Variants in TENM3 observed in about 807,000 individuals in gnomAD.
TENM3 encodes teneurin transmembrane protein 3.
TENM3 carries 63 observed loss-of-function variants against 255.1 expected under a neutral mutation model. The ratio of observed to expected loss-of-function variants is 0.25; its 90% CI spans 0.20 to 0.30. TENM3 has a LOEUF of 0.30. Among genes scored for constraint, TENM3 ranks in the 10% least tolerant of loss-of-function variants. The pLI, the probability that TENM3 is intolerant of heterozygous loss-of-function variation, is 1.00. For missense variants in TENM3, 2,929 were observed against 3,461.1 expected, an observed-to-expected ratio of 0.85 and a Z score of 3.86; for synonymous variants, 1,306 against 1,322.3, an observed-to-expected ratio of 0.99 and a Z score of 0.27.
At chr4:181,716,270 A>G in the TENM3 span, among the ~76,000 whole-genome samples, 4 of 152,352 alleles carry the variant, frequency 2.6e-5, no homozygotes, top group South Asian at 2.1e-4. Context: ...AAAGTAATAT[A>G]TGGATTATAT....
intron 3 of TENM3, among the ~76,000 whole-genome samples, chr4:182,582,886 G>A (rs760594974): frequency 1.3e-5 from 2 of 152,172 alleles, no homozygotes; most frequent in African/African-American, 4.8e-5. Context: ...GAATCGCAGC[G>A]ATTTGCCTTG....
the TENM3 span, among the ~76,000 whole-genome samples, chr4:181,903,147 A>G: frequency 6.6e-6 from 1 of 152,094 alleles, no homozygotes; most frequent in Non-Finnish European, 1.5e-5. Flanking sequence ...GAGGGATCCT[A>G]TTCACCACAC....
intron 1 of TENM3, among the ~76,000 whole-genome samples, chr4:182,161,279 G>GCC (rs1751143597): frequency 7.3e-6 from 1 of 137,012 alleles, no homozygotes; most frequent in Non-Finnish European, 1.6e-5. Context: ...AGCCGGGCGT[G>GCC]GTGGCGGGCG....
chr4:182,047,560 CAAAAAAAAA>C, the TENM3 span, among the ~76,000 whole-genome samples: 14 of 72,324 alleles, frequency 1.9e-4, no homozygotes, highest in Admixed American at 2.0e-4. Flanking sequence ...GACTCCATCT[CAAAAAAAAA>C]AAAAAAAAAA....
chr4:182,797,451 AAT>A (rs1766579499), intron 27 of TENM3, among the ~76,000 whole-genome samples: 4 of 151,110 alleles, frequency 2.6e-5, no homozygotes, highest in African/African-American at 9.8e-5. Context: ...AAAAAAAAAT[AAT>A]TAATTAATTA....
intron 22 of TENM3, among the ~76,000 whole-genome samples, chr4:182,765,925 C>T (rs765962891): frequency 6.6e-6 from 1 of 152,190 alleles, no homozygotes; most frequent in Non-Finnish European, 1.5e-5. Flanking sequence ...TCTGCTAAAA[C>T]AGTTATGCAT....
intron 1 of TENM3, among the ~76,000 whole-genome samples, chr4:182,165,552 A>G (rs1751648414): frequency 6.6e-6 from 1 of 152,204 alleles, no homozygotes; most frequent in Admixed American, 6.5e-5. Context: ...ACACATAGTC[A>G]TCAGCTGGGA....
At chr4:181,628,362 G>C in the TENM3 span, among the ~76,000 whole-genome samples, 81 of 152,126 alleles carry the variant, frequency 5.3e-4, no homozygotes, top group South Asian at 1.5e-3. Flanking sequence ...TCAATTTTGG[G>C]TTTTGTTGCC....
chr4:182,682,107 T>A (rs150921005), intron 11 of TENM3, 93 bp downstream of exon 11: 6 of 988,776 alleles, frequency 6.1e-6, no homozygotes, highest in Non-Finnish European at 6.1e-6. Flanking sequence ...TTAAACCTAA[T>A]ACAAATTTTA....
chr4:182,132,329 C>T, the TENM3 span, among the ~76,000 whole-genome samples: 1 of 151,632 alleles, frequency 6.6e-6, no homozygotes, highest in South Asian at 2.1e-4. Context: ...AAAAAACCAA[C>T]AAAAATTAGC....
the TENM3 span, among the ~76,000 whole-genome samples, chr4:181,812,609 C>T: frequency 6.6e-6 from 1 of 152,162 alleles, no homozygotes; most frequent in Non-Finnish European, 1.5e-5. Context: ...ATTTCTCTGC[C>T]TTTCCTACGT....
chr4:181,747,654 C>G, the TENM3 span, among the ~76,000 whole-genome samples: 1 of 151,696 alleles, frequency 6.6e-6, no homozygotes, highest in Non-Finnish European at 1.5e-5. Flanking sequence ...TCCATTTGCC[C>G]TTTGCTTTTA....
intron 4 of TENM3, among the ~76,000 whole-genome samples, chr4:182,617,860 A>C (rs17258653): frequency 0.21 from 31,223 of 152,152 alleles, 3,725 homozygotes; most frequent in Non-Finnish European, 0.27. Flanking sequence ...GGAAAGCATC[A>C]ACATTTCCTA....
At chr4:182,591,362 A>G (rs747787119) in intron 3 of TENM3, among the ~76,000 whole-genome samples, 13 of 152,236 alleles carry the variant, frequency 8.5e-5, no homozygotes, top group Non-Finnish European at 1.9e-4. Flanking sequence ...CAGTAAGTAC[A>G]GTGAATCACT....
intron 3 of TENM3, among the ~76,000 whole-genome samples, chr4:182,596,827 A>G (rs1317374328): frequency 6.6e-6 from 1 of 152,228 alleles, no homozygotes; most frequent in Non-Finnish European, 1.5e-5. Flanking sequence ...ATGTTGCAGT[A>G]ACATTAAACC....
At chr4:182,468,497 AT>A (rs1477002842) in intron 3 of TENM3, among the ~76,000 whole-genome samples, 1 of 151,930 alleles carries the variant, frequency 6.6e-6, no homozygotes, top group Admixed American at 6.6e-5. Context: ...AATGGTTTGG[AT>A]TTTTTTTAGT....
At chr4:182,453,108 A>C (rs907669929) in intron 3 of TENM3, among the ~76,000 whole-genome samples, 6 of 152,028 alleles carry the variant, frequency 3.9e-5, no homozygotes, top group Non-Finnish European at 7.4e-5. Flanking sequence ...TTGTTTTAGG[A>C]TTGTTGTTTA....
intron 3 of TENM3, among the ~76,000 whole-genome samples, chr4:182,382,925 G>C (rs907715096): frequency 6.6e-6 from 1 of 152,162 alleles, no homozygotes; most frequent in African/African-American, 2.4e-5. Context: ...TACAGTTTTA[G>C]TTCCATATGA....
chr4:182,372,915 T>A (rs1045976204), intron 3 of TENM3, among the ~76,000 whole-genome samples: 18 of 152,034 alleles, frequency 1.2e-4, no homozygotes, highest in Non-Finnish European at 1.8e-4. Context: ...TTATTTATTT[T>A]TTTGGGTAGA....
Sources: gnomAD v4.1 joint callset for allele counts (sites outside exome capture counted in the v4.1 genomes callset) on GRCh38, gnomAD v4.1.1 for gene constraint, MANE v1.5 for transcripts, NCBI Gene and HGNC (gene_info 2026-07-23, HGNC 2026-07-21) for gene names.